DOT1L: variants seen among roughly 807,000 people sequenced by gnomAD.
The protein encoded by DOT1L is DOT1 like histone lysine methyltransferase, also known as histone-lysine N-methyltransferase, H3 lysine-79 specific.
In DOT1L, 33 loss-of-function variants were observed where a neutral mutation model predicts 153.3. That is an observed-to-expected ratio of 0.22 (90% confidence interval 0.16 to 0.29). The LOEUF (loss-of-function observed/expected upper bound fraction) is 0.29, where lower values mean the gene tolerates loss of function less well. Ranked by LOEUF, DOT1L falls within the 10% of genes least tolerant of loss-of-function variation. The pLI, the probability that DOT1L is intolerant of heterozygous loss-of-function variation, is 1.00. For synonymous variants in DOT1L, 1,135 were observed against 965.1 expected, an observed-to-expected ratio of 1.18 and a Z score of -3.26; for missense variants, 1,847 against 2,119.9, an observed-to-expected ratio of 0.87 and a Z score of 2.53.
intron 3 of DOT1L, among the ~76,000 whole-genome samples, chr19:2,187,896 TG>T (rs1338287418): frequency 3.7e-5 from 5 of 136,242 alleles, no homozygotes; most frequent in Admixed American, 1.6e-4. Context: ...CACTCCAGCC[TG>T]GGTGACAGAG....
chr19:2,222,839 G>T lies in DOT1L; in HGVS notation c.3390+280G>T, dbSNP rs575302188. 1.8e-4 allele frequency: 82 copies of T among 444,456 alleles called. 1 individual carries two copies. In the South Asian group the frequency reaches 2.1e-3, roughly 12 times the overall value. 27.5% of individuals were successfully genotyped at this position (444,456 alleles called of 1,614,324 possible). On this transcript the variant is annotated intron_variant, in intron 24 of 27. Transcript: ENST00000398665. The surrounding 1 kb of genome is among the most constrained non-coding windows in gnomAD (Gnocchi z 6.5). ...GCGGGGCTTGCAGTGAACTGAGATC[G>T]GCCACTGCCTGGGCCACAGAGCGAG...
rs2023933480 is a variant in DOT1L, at chr19:2,217,039, G to T, written c.2493G>T (p.Arg831=). The T allele has an allele frequency of 6.2e-7, 1 of 1,612,374 alleles. No individual in the cohort carries two copies. Among genetic ancestry groups the T allele is most frequent in the South Asian group, 1.1e-5 (1 of 91,060 alleles). Residue 831 remains arginine, a synonymous_variant, in exon 21 of 28, where the codon CGG becomes CGT. Coordinates refer to ENST00000398665, the MANE Select transcript of DOT1L (RefSeq NM_032482.3). The surrounding 1 kb of genome is among the most constrained non-coding windows in gnomAD (Gnocchi z 7.3). ...GSMKLSPQDP[R]PLSPGALQLA... ...TGAAGCTGAGCCCTCAGGACCCGCG[G>T]CCCCTGTCCCCTGGGGCCTTGCAGC...
chr19:2,195,406 C>T (rs1442426203), intron 7 of DOT1L, among the ~76,000 whole-genome samples: 1 of 152,154 alleles, frequency 6.6e-6, no homozygotes, highest in East Asian at 1.9e-4. Flanking sequence ...GTGGTGGAGG[C>T]TGATGGCGCC....
At chr19:2,199,298 C>T (rs1335612780) in intron 7 of DOT1L, among the ~76,000 whole-genome samples, 1 of 152,202 alleles carries the variant, frequency 6.6e-6, no homozygotes, top group Non-Finnish European at 1.5e-5. Context: ...TCAGGGCAGA[C>T]GCCCCCAGGG....
In DOT1L at chr19:2,207,737, C is replaced by A; in HGVS notation, c.963+57C>A. ...CCGTCCTGGTCTTCCACCCCGCCCA[C>A]GTCACACTGCTCTCTCCTTTCTCAT... On this transcript the variant is annotated intron_variant, in intron 11 of 27. Coordinates refer to ENST00000398665, the MANE Select transcript of DOT1L (RefSeq NM_032482.3). The surrounding 1 kb of genome is among the most constrained non-coding windows in gnomAD (Gnocchi z 4.5). 2.1e-6 allele frequency: 3 copies of A among 1,439,462 alleles called. No homozygotes were observed. The highest frequency in any genetic ancestry group is 1.9e-6 in the Non-Finnish European group (2 of 1,054,516). The allele number at this position is 1,439,462 out of a possible 1,614,324, so 89.2% of individuals were successfully genotyped here.
Position 2,214,600 on chromosome 19 carries a change from G to A in DOT1L, c.1923+4G>A, listed in dbSNP as rs1451122755. On this transcript the variant is annotated splice_donor_region_variant and intron_variant, in intron 19 of 27. Transcript: ENST00000398665. ...GAGGCACTGCCTGGAGCTGCAGGTG[G>A]GCTGCGCGCGAGGCTGCACTCCGTG... is the stretch of plus-strand genomic sequence containing the variant. 3.1e-6 allele frequency: 5 copies of A among 1,611,784 alleles called. No individual in the cohort carries two copies. In the South Asian group the frequency reaches 3.3e-5, roughly 11 times the overall value.
In DOT1L at chr19:2,225,255, C is replaced by T. The variant is rs915114401; in HGVS notation, c.3597-133C>T. The T allele has an allele frequency of 5.5e-5, 47 of 852,384 alleles. 1 individual carries two copies. Among genetic ancestry groups the T allele is most frequent in the South Asian group, 1.0e-4 (7 of 66,680 alleles). 52.8% of individuals were successfully genotyped at this position (852,384 alleles called of 1,614,324 possible). On this transcript the variant is annotated intron_variant, in intron 25 of 27. Transcript: ENST00000398665. ...CCAGGCCTGGCCCAGGGTGGCTGCA[C>T]GGGTCCCCTGTCTGGGCCGAGTGCT...
chr19:2,173,378 G>A (rs920742869), intron 1 of DOT1L, among the ~76,000 whole-genome samples: 2 of 152,156 alleles, frequency 1.3e-5, no homozygotes, highest in African/African-American at 4.8e-5. Flanking sequence ...GAAAAAGAGG[G>A]TCCTGATGCA....
intron 2 of DOT1L, among the ~76,000 whole-genome samples, chr19:2,184,065 A>T (rs78036398): frequency 0.01 from 1,595 of 152,288 alleles, 31 homozygotes; most frequent in African/African-American, 0.036. Flanking sequence ...TGTGGCGCAG[A>T]ACCACGGGAC....
intron 18 of DOT1L, 104 bp from the exon 19 acceptor site, chr19:2,214,367 C>T: frequency 6.6e-7 from 1 of 1,525,038 alleles, no homozygotes; most frequent in Non-Finnish European, 8.8e-7. Flanking sequence ...CCTAAGCACA[C>T]ATGCTGTTGG....
chr19:2,173,047 C>T (rs928416777), intron 1 of DOT1L, among the ~76,000 whole-genome samples: 1 of 152,048 alleles, frequency 6.6e-6, no homozygotes, highest in African/African-American at 2.4e-5. Flanking sequence ...ACAGATTGTG[C>T]AGTCGTCACC....
At position 2,222,954 on chromosome 19, in the gene DOT1L, C is replaced by G; in HGVS notation, c.3391-327C>G. ...GAGCCCGGCCATCCTCCACCACGTG[C>G]GGCCTGGCAGCCTGGGAAGAGGCGG... On this transcript the variant is annotated intron_variant, in intron 24 of 27. Coordinates refer to ENST00000398665, the MANE Select transcript of DOT1L (RefSeq NM_032482.3). The surrounding 1 kb of genome is among the most constrained non-coding windows in gnomAD (Gnocchi z 6.5). 1 of 437,534 alleles carries G rather than the reference C, an allele frequency of 2.3e-6. No individual in the cohort carries two copies. The highest frequency in any genetic ancestry group is 3.7e-5 in the South Asian group (1 of 26,830). 27.1% of individuals were successfully genotyped at this position (437,534 alleles called of 1,614,324 possible).
In DOT1L at chr19:2,223,458, G is replaced by A. The variant is rs758862527; in HGVS notation, c.3568G>A (p.Gly1190Ser). The change falls in exon 25 of 28, where the codon GGC (glycine) becomes AGC (serine). Residue 1190 changes from glycine (G) to serine (S), a missense_variant. This residue lies in a region of DOT1L where 934 missense variants were observed against 825.3 expected (regional missense o/e 1.13). Transcript: ENST00000398665. ...YSPLTSDEEP[G>S]SEDEPSSARI... Reference sequence around the variant, plus strand: ...CCCACTCACCTCAGACGAGGAGCCAGGCTCTGAGGACGAGCCCAGCAGTGC... The same window carrying A: ...CCCACTCACCTCAGACGAGGAGCCAAGCTCTGAGGACGAGCCCAGCAGTGC... 8.7e-6 allele frequency: 14 copies of A among 1,612,634 alleles called. No individual in the cohort carries two copies. The African/African-American group carries it at 1.6e-4, about 18-fold the overall frequency.
At chr19:2,179,538 T>A (rs904777439) in intron 1 of DOT1L, among the ~76,000 whole-genome samples, 1 of 152,234 alleles carries the variant, frequency 6.6e-6, no homozygotes. Context: ...CTGGGCACGG[T>A]GGCTCAGGCC....
intron 2 of DOT1L, among the ~76,000 whole-genome samples, chr19:2,182,283 C>T (rs1222881021): frequency 1.3e-5 from 2 of 152,084 alleles, no homozygotes; most frequent in African/African-American, 2.4e-5. Flanking sequence ...TGGCTCACAC[C>T]TGGAATCCCA....
At chr19:2,210,972 C>T in intron 14 of DOT1L, 117 bp downstream of exon 14, 2 of 1,456,600 alleles carry the variant, frequency 1.4e-6, no homozygotes, top group Non-Finnish European at 1.9e-6. Flanking sequence ...TGGAGCCTCC[C>T]TGTTGTGGCT....
At chr19:2,206,954 TCCC>T (rs1246694445) in intron 10 of DOT1L, among the ~76,000 whole-genome samples, 157 bp downstream of exon 10, 1 of 152,114 alleles carries the variant, frequency 6.6e-6, no homozygotes, top group African/African-American at 2.4e-5. Context: ...CTGAGCAGCG[TCCC>T]TGGTGTCCAC....
rs2023428670 is a variant in DOT1L at position 2,204,713 on chromosome 19, C to G, written c.787+1934C>G. On this transcript the variant is annotated intron_variant, in intron 9 of 27. Coordinates refer to ENST00000398665, the MANE Select transcript of DOT1L (RefSeq NM_032482.3). The surrounding 1 kb of genome is among the most constrained non-coding windows in gnomAD (Gnocchi z 5.7). ...GGCCAGTAGTGCTGATTCTAGGGGCCTTGATGGTCCCAGACATGCCCATGA... is the reference window on the plus strand; with the variant it reads ...GGCCAGTAGTGCTGATTCTAGGGGCGTTGATGGTCCCAGACATGCCCATGA... 6.6e-6 allele frequency among the ~76,000 whole-genome samples: 1 copy of G among 152,216 alleles called. No individual in the cohort carries two copies. Among genetic ancestry groups the G allele is most frequent in the Non-Finnish European group, 1.5e-5 (1 of 68,040 alleles).
At chr19:2,228,448 G>A (rs1052546321) in intron 27 of DOT1L, 2 of 1,226,212 alleles carry the variant, frequency 1.6e-6, no homozygotes, top group Admixed American at 3.0e-5. Context: ...TGGCAGAGAA[G>A]ACGGCCACAG....
Sources: allele counts gnomAD v4.1 joint callset (sites outside exome capture counted in the v4.1 genomes callset), GRCh38; gene constraint gnomAD v4.1.1; regional missense constraint gnomAD v4.1.1; non-coding constraint Gnocchi (gnomAD v3.1); transcripts MANE v1.5; gene names NCBI Gene and HGNC (gene_info 2026-07-23, HGNC 2026-07-21).